Variants in USH2A observed in about 807,000 individuals in gnomAD.
The protein encoded by USH2A is Usher syndrome 2A (autosomal recessive, mild).
In USH2A, 443 loss-of-function variants were observed where a neutral mutation model predicts 538.9. The observed-to-expected ratio is 0.82, with a 90% CI of 0.76 to 0.89. The LOEUF (loss-of-function observed/expected upper bound fraction) is 0.89. USH2A is among the 40% of genes least tolerant of loss of function. The probability of loss-of-function intolerance (pLI) is 0.00; values close to 1 mark genes in which losing one functional copy is unlikely to be tolerated. For missense variants in USH2A, 6,633 were observed against 6,324.8 expected (o/e 1.05, Z -1.65); for synonymous variants, 2,413 against 2,273.5 (o/e 1.06, Z -1.75).
intron 52 of USH2A, among the ~76,000 whole-genome samples, chr1:215,785,642 G>C (rs865858869): frequency 6.6e-6 from 1 of 152,142 alleles, no homozygotes; most frequent in Non-Finnish European, 1.5e-5. Flanking sequence ...ATGTACCCTA[G>C]AACTTAAAGT....
intron 50 of USH2A, among the ~76,000 whole-genome samples, chr1:215,796,040 T>C (rs1184611181): frequency 1.3e-5 from 2 of 152,112 alleles, no homozygotes; most frequent in African/African-American, 4.8e-5. Context: ...AGAATGACAT[T>C]GTGTTATATT....
At chr1:215,840,427 A>AAAAAATAT (rs1348121502) in intron 46 of USH2A, among the ~76,000 whole-genome samples, 1 of 152,124 alleles carries the variant, frequency 6.6e-6, no homozygotes, top group East Asian at 1.9e-4. Context: ...AAAGCTTCAC[A>AAAAAATAT]AAAAATATAG....
intron 38 of USH2A, among the ~76,000 whole-genome samples, chr1:215,912,512 C>T (rs373246625): frequency 0.34 from 14,913 of 43,496 alleles, 1,160 homozygotes; most frequent in Middle Eastern, 0.42. Context: ...TATATATATA[C>T]GTGTATATAT....
intron 40 of USH2A, among the ~76,000 whole-genome samples, chr1:215,899,738 G>A (rs545792854): frequency 3.9e-5 from 6 of 152,230 alleles, no homozygotes; most frequent in South Asian, 2.1e-4. Flanking sequence ...GAATTTCTCC[G>A]AAACAGAGAA....
chr1:215,629,050 G>A lies in USH2A; in HGVS notation c.15298-15C>T, dbSNP rs1465664178. ...TCGGCTAACCCCTGAGAAGGAAGTT[G>A]CTGTGAGTATTTCACATATAAAGAA... On this transcript the variant is annotated splice_polypyrimidine_tract_variant and intron_variant, in intron 70 of 71. Coordinates refer to ENST00000307340, the MANE Select transcript of USH2A (RefSeq NM_206933.4). The A allele has an allele frequency of 2.5e-6, 4 of 1,609,476 alleles. No homozygotes were observed. Among genetic ancestry groups the A allele is most frequent in the Non-Finnish European group, 3.4e-6 (4 of 1,177,340 alleles).
At chr1:215,844,597 C>A (rs1326872160) in intron 45 of USH2A, 101 bp from the exon 46 acceptor site, 6 of 1,224,616 alleles carry the variant, frequency 4.9e-6, no homozygotes, top group Admixed American at 3.8e-5. Context: ...AAGGGTTCCT[C>A]GCTTATCTGC....
chr1:216,355,307 A>AAAGAAAGAAAGAAAG (rs2038363602), intron 4 of USH2A, among the ~76,000 whole-genome samples: 4 of 103,404 alleles, frequency 3.9e-5, no homozygotes, highest in East Asian at 5.3e-4. Context: ...CTCTGCTTCA[A>AAAGAAAGAAAGAAAG]AAAGAAAGAA....
intron 63 of USH2A, 137 bp from the exon 64 acceptor site, chr1:215,671,430 A>G: frequency 2.0e-6 from 2 of 988,152 alleles, no homozygotes; most frequent in Non-Finnish European, 3.0e-6. Flanking sequence ...TAAGAATAAC[A>G]AAGTTGAGAA....
intron 71 of USH2A, among the ~76,000 whole-genome samples, chr1:215,628,028 T>C (rs1270558013): frequency 1.3e-5 from 2 of 152,174 alleles, no homozygotes; most frequent in Non-Finnish European, 2.9e-5. Flanking sequence ...TGGACTGAAA[T>C]TATGAAAGAT....
chr1:215,948,443 T>TATATATATATATATAC (rs749886577), intron 37 of USH2A, among the ~76,000 whole-genome samples: 1 of 147,172 alleles, frequency 6.8e-6, no homozygotes, highest in African/African-American at 2.5e-5. Flanking sequence ...TATATATATA[T>TATATATATATATATAC]ACACACACAC....
At chr1:215,645,776 T>C (rs1419097946) in intron 67 of USH2A, among the ~76,000 whole-genome samples, 1 of 152,200 alleles carries the variant, frequency 6.6e-6, no homozygotes, top group African/African-American at 2.4e-5. Context: ...AAAGCAAACA[T>C]GAAACTAGTA....
intron 4 of USH2A, among the ~76,000 whole-genome samples, chr1:216,357,521 A>C (rs1482327916): frequency 6.6e-6 from 1 of 152,132 alleles, no homozygotes; most frequent in African/African-American, 2.4e-5. Flanking sequence ...GCTAAGACAC[A>C]CAACGTTGAA....
intron 62 of USH2A, among the ~76,000 whole-genome samples, chr1:215,676,628 A>G (rs1191910699): frequency 1.3e-5 from 2 of 152,198 alleles, no homozygotes; most frequent in African/African-American, 4.8e-5. Context: ...TACACAGCCT[A>G]GAAGTTTGGA....
At chr1:216,318,000 G>A (rs1266313488) in intron 9 of USH2A, among the ~76,000 whole-genome samples, 1 of 152,176 alleles carries the variant, frequency 6.6e-6, no homozygotes, top group African/African-American at 2.4e-5. Context: ...CAAATGAATA[G>A]TATTTTGTAC....
Position 216,421,741 on chromosome 1 carries a change from A to G in USH2A, c.485+111T>C, listed in dbSNP as rs116548908. 2.0e-3 allele frequency: 3,028 copies of G among 1,539,960 alleles called. 35 individuals are homozygous for G. The African/African-American group carries it at 0.037, about 19-fold the overall frequency. ...ACAACTGGAAGAGTTAGTCTTCAAT[A>G]CCATGAATTCTATATAGCCTTCACT... On this transcript the variant is annotated intron_variant, in intron 2 of 71. Coordinates refer to ENST00000307340, the MANE Select transcript of USH2A (RefSeq NM_206933.4).
chr1:215,758,451 G>A (rs1558085296), intron 58 of USH2A, 144 bp downstream of exon 58: 2 of 946,542 alleles, frequency 2.1e-6, no homozygotes, highest in Non-Finnish European at 1.6e-6. Flanking sequence ...ACTTAGAAGT[G>A]TGGTTTAGAT....
At chr1:216,077,989 T>G in intron 27 of USH2A, 100 bp downstream of exon 27, 1 of 1,474,884 alleles carries the variant, frequency 6.8e-7, no homozygotes, top group Non-Finnish European at 9.4e-7. Flanking sequence ...GGGTGCTGCT[T>G]TTAGCCTGAG....
In USH2A at chr1:216,321,921, A is replaced by T. The variant is rs111033273; in HGVS notation, c.1606T>A (p.Cys536Ser). Residue 536 changes from cysteine to serine, a missense_variant, in exon 9 of 72, where the codon TGC (cysteine) becomes AGC (serine). Transcript: ENST00000307340. The stretch of plus-strand genomic sequence containing the variant: ...GTGAAGCTCTCCTGGGAGCAGAGGC[A>T]TCTATATGGCTGGCTTGTTGTGTCG... ...NCDTTSQPYR[C>S]LCSQESFTEG... 1 of 1,613,912 alleles carries T rather than the reference A, an allele frequency of 6.2e-7. No homozygotes were observed. Among genetic ancestry groups the T allele is most frequent in the Non-Finnish European group, 8.5e-7 (1 of 1,179,878 alleles).
intron 21 of USH2A, among the ~76,000 whole-genome samples, chr1:216,145,969 G>T (rs1254988458): frequency 2.0e-5 from 3 of 152,110 alleles, no homozygotes; most frequent in Non-Finnish European, 4.4e-5. Context: ...TTCGGACTCA[G>T]CCCACCTGCA....
Sources: allele counts gnomAD v4.1 joint callset (sites outside exome capture counted in the v4.1 genomes callset), GRCh38; gene constraint gnomAD v4.1.1; transcripts MANE v1.5; gene names NCBI Gene and HGNC (gene_info 2026-07-23, HGNC 2026-07-21).